SMIM18: variants seen among roughly 807,000 people sequenced by gnomAD.
SMIM18 encodes the protein small integral membrane protein 18.
A neutral mutation model predicts 5.9 loss-of-function variants in SMIM18; 4 were observed. The observed-to-expected ratio is 0.68, with a 90% CI of 0.33 to 1.56. The LOEUF (loss-of-function observed/expected upper bound fraction) is 1.56. SMIM18 is among the 40% of genes most tolerant of loss of function. SMIM18 has a pLI of 0.06. For synonymous variants in SMIM18, 37 were observed against 37.4 expected (o/e 0.99, Z 0.04); for missense variants, 89 against 109.7 (o/e 0.81, Z 0.84).
At chr8:30,642,925 T>C (rs1008317820) in intron 1 of SMIM18, among the ~76,000 whole-genome samples, 3 of 152,316 alleles carry the variant, frequency 2.0e-5, no homozygotes, top group Admixed American at 2.0e-4. Flanking sequence ...TTTTAAGCAG[T>C]TCACTTATAC....
intron 1 of SMIM18, among the ~76,000 whole-genome samples, 181 bp from the exon 2 acceptor site, chr8:30,644,311 T>G (rs1563507593): frequency 6.6e-6 from 1 of 152,186 alleles, no homozygotes; most frequent in Non-Finnish European, 1.5e-5. Flanking sequence ...GAGGGCTGAA[T>G]TTGTCTGTTT....
chr8:30,645,702 A>C lies in SMIM18; in HGVS notation c.*105A>C. On this transcript the variant is annotated 3_prime_UTR_variant, in exon 3 of 3. Transcript: ENST00000517349. ...TTGCTACAAAACAAATTCTGACTGA[A>C]TGGTTAAAACATTTCTAGTAGAAGG... 23 of 1,169,928 alleles carry C rather than the reference A, an allele frequency of 2.0e-5. No homozygotes were observed. Among genetic ancestry groups the C allele is most frequent in the Non-Finnish European group, 2.7e-5 (23 of 855,964 alleles). The allele number at this position is 1,169,928 out of a possible 1,614,324, so 72.5% of individuals were successfully genotyped here. A position where few individuals can be genotyped will look rare whatever the true frequency, so the allele number is the denominator to read the frequency against.
At chr8:30,640,148 G>A (rs537257583) in intron 1 of SMIM18, among the ~76,000 whole-genome samples, 34 of 152,244 alleles carry the variant, frequency 2.2e-4, no homozygotes, top group Admixed American at 2.1e-3. Flanking sequence ...AAACTGACTG[G>A]AGACATGGCC....
At chr8:30,644,407 C>A (rs146291273) in intron 1 of SMIM18, 85 bp from the exon 2 acceptor site, 2 of 152,310 alleles carry the variant, frequency 1.3e-5, no homozygotes, top group African/African-American at 4.8e-5. Context: ...GGTCTCTTCA[C>A]AGATCACTCT....
rs1467427612 is a variant in SMIM18 at position 30,645,662 on chromosome 8, T to C, written c.*65T>C. On this transcript the variant is annotated 3_prime_UTR_variant, in exon 3 of 3. Coordinates refer to ENST00000517349, the MANE Select transcript of SMIM18 (RefSeq NM_001206847.2). ...AACCTCTTCTGAGAAAAAAAATATA[T>C]TCTGAGGCCAACTGTTGCTACAAAA... 1.1e-5 allele frequency: 16 copies of C among 1,421,838 alleles called. No individual in the cohort carries two copies. The highest frequency in any genetic ancestry group is 2.5e-5 in the East Asian group (1 of 40,100). The allele number at this position is 1,421,838 out of a possible 1,614,324, so 88.1% of individuals were successfully genotyped here. A position where few individuals can be genotyped will look rare whatever the true frequency, so the allele number is the denominator to read the frequency against.
rs189448235 is a variant in SMIM18, at chr8:30,640,949, C to T, written c.-111+2310C>T. On this transcript the variant is annotated intron_variant, in intron 1 of 2. Coordinates refer to ENST00000517349, the MANE Select transcript of SMIM18 (RefSeq NM_001206847.2). ...TGAACTTATGACCTCAGGTGATCTG[C>T]CTGCCTCAGCCTCCCAGAGTGCTAG... Among the ~76,000 whole-genome samples, 200 of 152,288 alleles carry T rather than the reference C, an allele frequency of 1.3e-3. 2 individuals carry two copies. Among genetic ancestry groups the T allele is most frequent in the South Asian group, 0.012 (59 of 4,816 alleles).
intron 1 of SMIM18, among the ~76,000 whole-genome samples, chr8:30,639,058 T>C (rs923519973): frequency 1.5e-4 from 23 of 152,206 alleles, no homozygotes; most frequent in African/African-American, 5.1e-4. Flanking sequence ...TCTGATTCTA[T>C]GTGCAAATGA....
chr8:30,642,705 C>CT (rs1324253276), intron 1 of SMIM18, among the ~76,000 whole-genome samples: 21 of 152,198 alleles, frequency 1.4e-4, no homozygotes, highest in Non-Finnish European at 1.2e-4. Flanking sequence ...ACACCTTGTT[C>CT]TTTTCACTTA....
In SMIM18 at chr8:30,639,503, T is replaced by C. The variant is rs146929820; in HGVS notation, c.-111+864T>C. Among the ~76,000 whole-genome samples, 541 of 152,126 alleles carry C rather than the reference T, an allele frequency of 3.6e-3. 4 individuals are homozygous for C. Among genetic ancestry groups the C allele is most frequent in the Admixed American group, 8.4e-3 (128 of 15,280 alleles). ...TAAACTGCATTTTAAAATAAAAATATGTCCTAAGAAGAACTGGTTAAGAAA... is the reference window on the plus strand; with the variant it reads ...TAAACTGCATTTTAAAATAAAAATACGTCCTAAGAAGAACTGGTTAAGAAA... On this transcript the variant is annotated intron_variant, in intron 1 of 2. Coordinates refer to ENST00000517349, the MANE Select transcript of SMIM18 (RefSeq NM_001206847.2).
intron 1 of SMIM18, among the ~76,000 whole-genome samples, chr8:30,641,570 G>A (rs1299565273): frequency 2.0e-5 from 3 of 152,102 alleles, no homozygotes; most frequent in Non-Finnish European, 4.4e-5. Context: ...ACATTGCCCA[G>A]GCTGGTCTCA....
intron 1 of SMIM18, among the ~76,000 whole-genome samples, chr8:30,644,113 T>A (rs1801966888): frequency 6.6e-6 from 1 of 152,180 alleles, no homozygotes; most frequent in African/African-American, 2.4e-5. Context: ...TTGTTAGAGA[T>A]CAAGACAGTA....
At chr8:30,642,339 T>C (rs1801874204) in intron 1 of SMIM18, among the ~76,000 whole-genome samples, 1 of 148,526 alleles carries the variant, frequency 6.7e-6, no homozygotes, top group South Asian at 2.1e-4. Context: ...GGTTACTCCA[T>C]ACTACTCCAT....
chr8:30,643,324 G>C (rs1194669844), intron 1 of SMIM18, among the ~76,000 whole-genome samples: 1 of 152,116 alleles, frequency 6.6e-6, no homozygotes, highest in Non-Finnish European at 1.5e-5. Context: ...AACAGGTACA[G>C]GTAGAGATGG....
At chr8:30,641,811 G>C (rs944490782) in intron 1 of SMIM18, among the ~76,000 whole-genome samples, 4 of 152,100 alleles carry the variant, frequency 2.6e-5, no homozygotes, top group African/African-American at 9.7e-5. Context: ...AGGATGCAGA[G>C]GTTGCAGTGA....
At chr8:30,641,803 G>A (rs1801844241) in intron 1 of SMIM18, among the ~76,000 whole-genome samples, 1 of 152,114 alleles carries the variant, frequency 6.6e-6, no homozygotes, top group Non-Finnish European at 1.5e-5. Context: ...CTTGAACCAG[G>A]ATGCAGAGGT....
intron 1 of SMIM18, chr8:30,643,448 G>A (rs1256292598): frequency 6.6e-6 from 1 of 152,242 alleles, no homozygotes; most frequent in Admixed American, 6.5e-5. Context: ...CACAAGGTCA[G>A]GAGTTTGAGA....
At chr8:30,640,944 A>G (rs1004248880) in intron 1 of SMIM18, among the ~76,000 whole-genome samples, 1 of 152,214 alleles carries the variant, frequency 6.6e-6, no homozygotes, top group African/African-American at 2.4e-5. Context: ...ACCTCAGGTG[A>G]TCTGCCTGCC....
chr8:30,641,872 T>C (rs1801847675), intron 1 of SMIM18, among the ~76,000 whole-genome samples: 1 of 151,884 alleles, frequency 6.6e-6, no homozygotes, highest in African/African-American at 2.4e-5. Context: ...CGAGACTCTG[T>C]CTCAAACCAA....
At chr8:30,641,035 T>C (rs1309190350) in intron 1 of SMIM18, among the ~76,000 whole-genome samples, 1 of 152,178 alleles carries the variant, frequency 6.6e-6, no homozygotes, top group Non-Finnish European at 1.5e-5. Flanking sequence ...TCCATGAAAG[T>C]AAGATTTAGC....
Sources: allele counts gnomAD v4.1 joint callset (sites outside exome capture counted in the v4.1 genomes callset), GRCh38; gene constraint gnomAD v4.1.1; transcripts MANE v1.5; gene names NCBI Gene and HGNC (gene_info 2026-07-23, HGNC 2026-07-21).